PLEKHH1: variants seen among roughly 807,000 people sequenced by gnomAD.
The protein encoded by PLEKHH1 is pleckstrin homology domain-containing family H member 1.
Under a neutral mutation model 160.0 loss-of-function variants are expected in PLEKHH1, and 104 were observed. The observed-to-expected ratio is 0.65, with a 90% CI of 0.55 to 0.76. The LOEUF is 0.76. PLEKHH1 is among the 30% of genes least tolerant of loss of function. The pLI, the probability that PLEKHH1 is intolerant of heterozygous loss-of-function variation, is 0.00. For synonymous variants in PLEKHH1, 619 were observed against 678.4 expected, an observed-to-expected ratio of 0.91 and a Z score of 1.36; for missense variants, 1,427 against 1,724.1, an observed-to-expected ratio of 0.83 and a Z score of 3.05.
In PLEKHH1 at chr14:67,572,184, G is replaced by A. The variant is rs747960934; in HGVS notation, c.1635G>A (p.Pro545=). ...CCGAGGGTGACTACGCCATCCCCCC[G>A]GACGCCTGCTCACTGGACAGTGACT... ...LSSEGDYAIP[P]DACSLDSDYS... The change falls in exon 11 of 29, where the codon CCG becomes CCA. Residue 545 remains proline, a synonymous_variant. Coordinates refer to ENST00000329153, the MANE Select transcript of PLEKHH1 (RefSeq NM_020715.3). The A allele has an allele frequency of 2.1e-5, 34 of 1,608,040 alleles. 1 individual carries two copies. The South Asian group carries it at 2.5e-4, about 12-fold the overall frequency.
At chr14:67,548,468 C>T (rs561987854) in intron 2 of PLEKHH1, among the ~76,000 whole-genome samples, 4 of 152,170 alleles carry the variant, frequency 2.6e-5, no homozygotes, top group East Asian at 1.9e-4. Flanking sequence ...GAGGCCAAGG[C>T]GGGCAGATCA....
At chr14:67,552,356 G>A (rs886361219) in intron 2 of PLEKHH1, among the ~76,000 whole-genome samples, 2 of 152,196 alleles carry the variant, frequency 1.3e-5, no homozygotes, top group Non-Finnish European at 2.9e-5. Context: ...ATCTGCCCTC[G>A]TGAAAAGTGT....
chr14:67,579,854 A>G lies in PLEKHH1; in HGVS notation c.3161A>G (p.His1054Arg), dbSNP rs879854206. Residue 1054 changes from histidine to arginine, a missense_variant, in exon 22 of 29, where the codon CAC (histidine) becomes CGC (arginine). By Grantham distance (29) the His-to-Arg change is conservative. Coordinates refer to ENST00000329153, the MANE Select transcript of PLEKHH1 (RefSeq NM_020715.3). ...TDDPSGRDLE[H>R]CLQGSVKICD... ...GATCCCTCGGGCAGGGACCTGGAGC[A>G]CTGCCTGCAGGGAAGTGTCAAGGTG... The G allele has an allele frequency of 1.1e-5, 18 of 1,604,058 alleles. No homozygotes were observed. Among genetic ancestry groups the G allele is most frequent in the Admixed American group, 1.7e-5 (1 of 58,830 alleles).
chr14:67,578,524 T>A lies in PLEKHH1; in HGVS notation c.2752-10T>A, dbSNP rs1289012472. 6.3e-7 allele frequency: 1 copy of A among 1,593,722 alleles called. No individual in the cohort carries two copies. The highest frequency in any genetic ancestry group is 8.6e-7 in the Non-Finnish European group (1 of 1,165,642). On this transcript the variant is annotated splice_polypyrimidine_tract_variant and intron_variant, in intron 19 of 28. Transcript: ENST00000329153. This position sits in a 1 kb window ranked among gnomAD's most constrained non-coding sequence, Gnocchi z 5.0. ...CAGCACTCACCCCACGCTGTCTGTG[T>A]CCCTGGCAGTGCTGGCAGCTCCTCG...
intron 3 of PLEKHH1, 113 bp downstream of exon 3, chr14:67,556,000 C>CCTGAACAAAT: frequency 7.3e-7 from 1 of 1,372,604 alleles, no homozygotes; most frequent in Non-Finnish European, 1.0e-6. Flanking sequence ...CTGTGTTATA[C>CCTGAACAAAT]CTGAACAAAT....
At chr14:67,537,248 GCAGGAGAATT>G (rs2033763945) in intron 1 of PLEKHH1, among the ~76,000 whole-genome samples, 1 of 146,314 alleles carries the variant, frequency 6.8e-6, no homozygotes, top group Admixed American at 6.9e-5. Flanking sequence ...GGAGGCTGAG[GCAGGAGAATT>G]ATTTGAACCC....
intron 1 of PLEKHH1, among the ~76,000 whole-genome samples, chr14:67,536,806 G>A (rs1227762761): frequency 6.6e-6 from 1 of 151,910 alleles, no homozygotes; most frequent in African/African-American, 2.4e-5. Flanking sequence ...ACTTTGGGAG[G>A]CCAAGGCAGG....
At chr14:67,562,067 A>G in intron 6 of PLEKHH1, 32 bp downstream of exon 6, 1 of 1,609,920 alleles carries the variant, frequency 6.2e-7, no homozygotes, top group Non-Finnish European at 8.5e-7. Context: ...GGTGTGCAGT[A>G]CGTGTGTTTG....
At position 67,575,877 on chromosome 14, in the gene PLEKHH1, T is replaced by G; in HGVS notation, c.2224T>G (p.Ser742Ala). 6.2e-7 allele frequency: 1 copy of G among 1,613,952 alleles called. No homozygotes were observed. Among genetic ancestry groups the G allele is most frequent in the South Asian group, 1.1e-5 (1 of 91,070 alleles). ...RDAHIEEVDRSCDSDEDYEAG... is the reference protein window; with the variant it reads ...RDAHIEEVDRACDSDEDYEAG... ...TGCGCACATAGAGGAAGTAGATCGA[T>G]CCTGTGACTCAGACGAGGACTATGA... Residue 742 changes from serine to alanine, a missense_variant, in exon 16 of 29, where the codon TCC becomes GCC. Physicochemically the swap from Ser to Ala is moderately conservative, Grantham distance 99. Transcript: ENST00000329153.
chr14:67,569,481 C>A (rs896527835), intron 8 of PLEKHH1, among the ~76,000 whole-genome samples: 2 of 152,234 alleles, frequency 1.3e-5, no homozygotes, highest in African/African-American at 4.8e-5. Flanking sequence ...CCCAGCCTCC[C>A]ACCTGCACAG....
rs1279989315 is a variant in PLEKHH1, at chr14:67,581,030, C to G, written c.3276C>G (p.Tyr1092Ter). The G allele has an allele frequency of 3.1e-6, 5 of 1,606,266 alleles. No individual in the cohort carries two copies. The highest frequency in any genetic ancestry group is 1.3e-5 in the African/African-American group (1 of 74,882). ...GGACACGCGTCGTGAAGCTGATGTA[C>G]AAGAACAGGTCCTAAGCACTGCACG... ...EGGTRVVKLM[Y>*]KNRLYFRSQV... is the part of the protein sequence containing the mutation. The change falls in exon 23 of 29, where the codon TAC (tyrosine) becomes TAG (stop). Residue 1092 changes from tyrosine to a stop codon, truncating the protein, a stop_gained. Coordinates refer to ENST00000329153, the MANE Select transcript of PLEKHH1 (RefSeq NM_020715.3). LOFTEE classifies it high-confidence loss of function.
At chr14:67,563,042 AC>A in intron 7 of PLEKHH1, 148 bp downstream of exon 7, 1 of 753,054 alleles carries the variant, frequency 1.3e-6, no homozygotes, top group Non-Finnish European at 2.1e-6. Context: ...GCCTGTGCAG[AC>A]CACACAACCA....
At chr14:67,547,388 G>T (rs1174459204) in intron 2 of PLEKHH1, among the ~76,000 whole-genome samples, 1 of 152,216 alleles carries the variant, frequency 6.6e-6, no homozygotes, top group Non-Finnish European at 1.5e-5. Flanking sequence ...GACAGGTCCA[G>T]CAATTCATGA....
rs1029392417 is a variant in PLEKHH1, at chr14:67,569,963, G to T, written c.1385G>T (p.Gly462Val). The T allele has an allele frequency of 1.2e-6, 2 of 1,609,966 alleles. No individual in the cohort carries two copies. The highest frequency in any genetic ancestry group is 2.7e-5 in the African/African-American group (2 of 74,852). ...PALVSPGSFS[G>V]LVYKNVTVPV... is the part of the protein sequence containing the mutation. Reference sequence around the variant, plus strand: ...CTTGTTTCCCCTGGGTCTTTCTCTGGCCTGGTCTACAAGAATGTCACTGTG... The same window carrying T: ...CTTGTTTCCCCTGGGTCTTTCTCTGTCCTGGTCTACAAGAATGTCACTGTG... The change falls in exon 9 of 29, where the codon GGC becomes GTC. Residue 462 changes from glycine (G) to valine (V), a missense_variant. Physicochemically the swap from Gly to Val is moderately radical, Grantham distance 109. Coordinates refer to ENST00000329153, the MANE Select transcript of PLEKHH1 (RefSeq NM_020715.3).
chr14:67,566,539 G>A (rs1013427779), intron 7 of PLEKHH1, among the ~76,000 whole-genome samples: 6 of 151,700 alleles, frequency 4.0e-5, no homozygotes, highest in Admixed American at 3.9e-4. Flanking sequence ...GAACTCAGAA[G>A]TTCAAGACCA....
chr14:67,580,090 G>A (rs1278521468), intron 22 of PLEKHH1: 3 of 534,746 alleles, frequency 5.6e-6, no homozygotes, highest in South Asian at 2.4e-5. Context: ...AGACAAGATC[G>A]CTACACACCT....
chr14:67,535,758 A>C (rs531367478), intron 1 of PLEKHH1, among the ~76,000 whole-genome samples: 2 of 152,294 alleles, frequency 1.3e-5, no homozygotes, highest in South Asian at 4.1e-4. Context: ...GATTACAACA[A>C]TAACAGTCAT....
At chr14:67,565,965 C>A (rs1357561749) in intron 7 of PLEKHH1, among the ~76,000 whole-genome samples, 6 of 152,054 alleles carry the variant, frequency 3.9e-5, no homozygotes, top group African/African-American at 9.7e-5. Flanking sequence ...ACTAAAAATA[C>A]AAAAATTATT....
intron 26 of PLEKHH1, among the ~76,000 whole-genome samples, 167 bp downstream of exon 26, chr14:67,584,291 T>C (rs1038745543): frequency 6.6e-6 from 1 of 152,212 alleles, no homozygotes; most frequent in East Asian, 1.9e-4. Context: ...CAGAGCAGAA[T>C]TGTGATTGCT....
Sources: allele counts gnomAD v4.1 joint callset (sites outside exome capture counted in the v4.1 genomes callset), GRCh38; gene constraint gnomAD v4.1.1; non-coding constraint Gnocchi (gnomAD v3.1); transcripts MANE v1.5; gene names NCBI Gene and HGNC (gene_info 2026-07-23, HGNC 2026-07-21).